Variants in FRMD5 observed in about 807,000 individuals in gnomAD.
FRMD5 encodes the protein FERM domain containing 5, also known as FERM domain-containing protein 5.
A neutral mutation model predicts 69.0 loss-of-function variants in FRMD5; 20 were observed. The ratio of observed to expected loss-of-function variants is 0.29; its 90% confidence interval spans 0.20 to 0.42. The LOEUF (loss-of-function observed/expected upper bound fraction) is 0.42, where lower values mean the gene tolerates loss of function less well. Ranked by LOEUF, FRMD5 falls within the 10% of genes least tolerant of loss-of-function variation. The pLI is 1.00. For synonymous variants in FRMD5, 271 were observed against 260.1 expected (o/e 1.04, Z -0.40); for missense variants, 595 against 708.6 (o/e 0.84, Z 1.82).
chr15:44,000,143 C>A (rs1005710018), intron 1 of FRMD5, among the ~76,000 whole-genome samples: 3 of 151,496 alleles, frequency 2.0e-5, no homozygotes, highest in African/African-American at 7.3e-5. Context: ...AGGCATGCAC[C>A]ATGCCCAGCT....
intron 1 of FRMD5, among the ~76,000 whole-genome samples, chr15:44,010,400 C>CCT (rs1555393935): frequency 7.1e-6 from 1 of 139,962 alleles, no homozygotes; most frequent in Non-Finnish European, 1.5e-5. Flanking sequence ...TTTTCCTTTT[C>CCT]TTTTTTTTTT....
chr15:44,037,035 G>A (rs1595655127), intron 1 of FRMD5, among the ~76,000 whole-genome samples: 6 of 152,116 alleles, frequency 3.9e-5, no homozygotes, highest in Admixed American at 6.5e-5. Flanking sequence ...TGTGCAGAAT[G>A]TGCATGTTTG....
intron 1 of FRMD5, among the ~76,000 whole-genome samples, chr15:44,119,330 T>C (rs2076914304): frequency 6.6e-6 from 1 of 152,162 alleles, no homozygotes; most frequent in African/African-American, 2.4e-5. Flanking sequence ...TCCTCTAAAA[T>C]GGCTTACCAA....
intron 1 of FRMD5, among the ~76,000 whole-genome samples, chr15:44,163,479 T>C (rs2077657580): frequency 6.6e-6 from 1 of 152,190 alleles, no homozygotes; most frequent in Non-Finnish European, 1.5e-5. Context: ...GTACACTTCT[T>C]TAGCTTTAAC....
At chr15:44,009,745 G>A (rs1326501854) in intron 1 of FRMD5, among the ~76,000 whole-genome samples, 1 of 152,116 alleles carries the variant, frequency 6.6e-6, no homozygotes, top group Non-Finnish European at 1.5e-5. Flanking sequence ...GGGGTGCTGT[G>A]TACTTCTAGG....
At chr15:43,952,887 A>G (rs1198089007) in intron 1 of FRMD5, among the ~76,000 whole-genome samples, 1 of 152,246 alleles carries the variant, frequency 6.6e-6, no homozygotes, top group Non-Finnish European at 1.5e-5. Context: ...GTAAGTCAGC[A>G]GAAAGCAGAA....
At chr15:44,123,409 G>A (rs540730911) in intron 1 of FRMD5, among the ~76,000 whole-genome samples, 3 of 151,556 alleles carry the variant, frequency 2.0e-5, no homozygotes, top group Non-Finnish European at 4.4e-5. Context: ...TGATAGACAA[G>A]TTTATTTGGT....
chr15:44,099,186 G>T (rs933770059), intron 1 of FRMD5, among the ~76,000 whole-genome samples: 1 of 152,188 alleles, frequency 6.6e-6, no homozygotes, highest in Admixed American at 6.5e-5. Context: ...CGGGAAATTA[G>T]TATGCACATG....
chr15:44,163,834 C>T (rs1251304591), intron 1 of FRMD5, among the ~76,000 whole-genome samples: 1 of 152,214 alleles, frequency 6.6e-6, no homozygotes, highest in African/African-American at 2.4e-5. Flanking sequence ...AAGGCCACTT[C>T]TCTTGCTACA....
chr15:44,177,498 G>C (rs536663183), intron 1 of FRMD5, among the ~76,000 whole-genome samples: 3 of 152,140 alleles, frequency 2.0e-5, no homozygotes, highest in Non-Finnish European at 4.4e-5. Context: ...AATATATCTA[G>C]AATAGGCAAA....
Position 44,081,932 on chromosome 15 carries a change from G to A in FRMD5, c.102+113021C>T, listed in dbSNP as rs77424774. Among the ~76,000 whole-genome samples the A allele has an allele frequency of 1.3e-4, 20 of 151,980 alleles. No homozygotes were observed. The East Asian group carries it at 2.3e-3, about 18-fold the overall frequency. On this transcript the variant is annotated intron_variant, in intron 1 of 13. Transcript: ENST00000417257. ...TGAAGAAGAAAAGTGAACCCAAAAC[G>A]TCAACACCAATATCCTAAGGCCTTT... is the stretch of plus-strand genomic sequence containing the variant.
At chr15:44,087,425 G>C (rs1471854028) in intron 1 of FRMD5, among the ~76,000 whole-genome samples, 1 of 152,168 alleles carries the variant, frequency 6.6e-6, no homozygotes, top group Non-Finnish European at 1.5e-5. Flanking sequence ...AATGAATTCA[G>C]AGGAGAAAGT....
At chr15:44,014,023 A>AT (rs1890845836) in intron 1 of FRMD5, among the ~76,000 whole-genome samples, 1 of 151,818 alleles carries the variant, frequency 6.6e-6, no homozygotes, top group Non-Finnish European at 1.5e-5. Context: ...CGCCCGGCTA[A>AT]TTTTTTGTAT....
chr15:44,127,301 A>G (rs968354040), intron 1 of FRMD5, among the ~76,000 whole-genome samples: 14 of 152,356 alleles, frequency 9.2e-5, no homozygotes, highest in African/African-American at 3.4e-4. Context: ...CATGTTGGCC[A>G]GCCTGGTCTC....
At chr15:44,135,843 A>T (rs2077175894) in intron 1 of FRMD5, among the ~76,000 whole-genome samples, 1 of 147,396 alleles carries the variant, frequency 6.8e-6, no homozygotes, top group African/African-American at 2.6e-5. Context: ...AAAAAAAAAA[A>T]CTACAAATCA....
intron 1 of FRMD5, among the ~76,000 whole-genome samples, chr15:44,099,435 G>A (rs1033510018): frequency 6.6e-6 from 1 of 152,024 alleles, no homozygotes; most frequent in South Asian, 2.1e-4. Context: ...AGGTGGTAAT[G>A]TCCAAGTAAT....
intron 1 of FRMD5, among the ~76,000 whole-genome samples, chr15:44,151,571 T>C (rs1046877097): frequency 6.6e-6 from 1 of 151,996 alleles, no homozygotes. Context: ...AAAAGATTCA[T>C]TGGATGAAAC....
At chr15:43,954,176 T>G (rs1396074003) in intron 1 of FRMD5, among the ~76,000 whole-genome samples, 1 of 152,204 alleles carries the variant, frequency 6.6e-6, no homozygotes, top group African/African-American at 2.4e-5. Context: ...ATTTCTCATC[T>G]CTTCTGCTCT....
intron 1 of FRMD5, among the ~76,000 whole-genome samples, chr15:44,109,565 A>C (rs1404946442): frequency 6.6e-6 from 1 of 151,682 alleles, no homozygotes; most frequent in Non-Finnish European, 1.5e-5. Flanking sequence ...TACCCCCTAC[A>C]TGAAACCCAC....
Sources: allele counts gnomAD v4.1 joint callset (sites outside exome capture counted in the v4.1 genomes callset), GRCh38; gene constraint gnomAD v4.1.1; transcripts MANE v1.5; gene names NCBI Gene and HGNC (gene_info 2026-07-23, HGNC 2026-07-21).